ARMC9: variants seen among roughly 807,000 people sequenced by gnomAD.
The protein encoded by ARMC9 is armadillo repeat containing 9.
Under a neutral mutation model 107.0 loss-of-function variants are expected in ARMC9, and 94 were observed. The ratio of observed to expected loss-of-function variants is 0.88; its 90% confidence interval spans 0.74 to 1.04. The LOEUF (loss-of-function observed/expected upper bound fraction) is 1.04. ARMC9 is among the 50% of genes least tolerant of loss of function. The probability of loss-of-function intolerance (pLI) is 0.00; values close to 1 mark genes in which losing one functional copy is unlikely to be tolerated. For missense variants in ARMC9, 942 were observed against 1,030.1 expected (o/e 0.91, Z 1.17); for synonymous variants, 380 against 396.9 (o/e 0.96, Z 0.51).
rs1278319759 is a variant in ARMC9, at chr2:231,353,269, G to C, written c.1995-2529G>C. On this transcript the variant is annotated intron_variant, in intron 21 of 24. Transcript: ENST00000611582. ...GTGGCACGATCTCGGCTCACTGCAA[G>C]CTCCATCTCCCAGTTCACGCCATTC... is the stretch of plus-strand genomic sequence containing the variant. 3.1e-5 allele frequency among the ~76,000 whole-genome samples: 4 copies of C among 127,584 alleles called. 1 individual carries two copies. The highest frequency in any genetic ancestry group is 1.0e-4 in the African/African-American group (2 of 20,000). The allele number at this position is 127,584 out of a possible 152,430, so 83.7% of individuals were successfully genotyped here.
chr2:231,256,705 G>C, intron 10 of ARMC9, 85 bp downstream of exon 10: 6 of 1,444,042 alleles, frequency 4.2e-6, no homozygotes, highest in Non-Finnish European at 5.8e-6. Context: ...TAAACACTTA[G>C]CAGCCTAGGT....
intron 14 of ARMC9, among the ~76,000 whole-genome samples, chr2:231,273,390 G>A (rs570479755): frequency 6.6e-6 from 1 of 152,294 alleles, no homozygotes; most frequent in South Asian, 2.1e-4. Flanking sequence ...AGACCTGATA[G>A]AGCCTCAGCC....
rs367920146 is a variant in ARMC9 at position 231,349,609 on chromosome 2, CT to C, written c.1994+4520del. Among the ~76,000 whole-genome samples, 861 of 152,210 alleles carry C rather than the reference CT, an allele frequency of 5.7e-3. 7 individuals are homozygous for C. Among genetic ancestry groups the C allele is most frequent in the African/African-American group, 0.017 (704 of 41,512 alleles). ...CCAACCTGGCCAACGTGGTAAAACC[CT>C]GTCTCTACTAAAAATACAAAAATTA... On this transcript the variant is annotated intron_variant, in intron 21 of 24. Transcript: ENST00000611582.
chr2:231,243,867 T>G (rs1056219572), intron 9 of ARMC9, among the ~76,000 whole-genome samples: 1 of 152,226 alleles, frequency 6.6e-6, no homozygotes, highest in African/African-American at 2.4e-5. Flanking sequence ...TTAGATGCAA[T>G]GTCCAGTGAC....
At position 231,362,199 on chromosome 2, in the gene ARMC9, A is replaced by G. The variant is rs2045616486; in HGVS notation, c.2261+1316A>G. On this transcript the variant is annotated intron_variant, in intron 23 of 24. Transcript: ENST00000611582. The surrounding 1 kb of genome is among the most constrained non-coding windows in gnomAD (Gnocchi z 4.7). ...TCCTCCCCTCTTTCTGTGGCTGAAGAGGAGCTTGTCAGCTAGACCAGGGGT... is the reference window on the plus strand; with the variant it reads ...TCCTCCCCTCTTTCTGTGGCTGAAGGGGAGCTTGTCAGCTAGACCAGGGGT... Among the ~76,000 whole-genome samples the G allele has an allele frequency of 6.6e-6, 1 of 152,124 alleles. No homozygotes were observed. Among genetic ancestry groups the G allele is most frequent in the Non-Finnish European group, 1.5e-5 (1 of 68,008 alleles).
At chr2:231,337,385 C>T (rs1449248373) in intron 20 of ARMC9, among the ~76,000 whole-genome samples, 7 of 147,210 alleles carry the variant, frequency 4.8e-5, no homozygotes, top group African/African-American at 1.2e-4. Context: ...GCAGCCTCCG[C>T]CTCCCAGGTT....
At chr2:231,318,563 C>G (rs887826556) in intron 19 of ARMC9, among the ~76,000 whole-genome samples, 1 of 152,152 alleles carries the variant, frequency 6.6e-6, no homozygotes, top group African/African-American at 2.4e-5. Flanking sequence ...GCCACTTGCC[C>G]TCTACCACGT....
chr2:231,331,348 T>A (rs2043720007), intron 19 of ARMC9, among the ~76,000 whole-genome samples: 2 of 152,218 alleles, frequency 1.3e-5, no homozygotes, highest in African/African-American at 4.8e-5. Flanking sequence ...GGTGCTGCCC[T>A]TTTTGCTGAG....
chr2:231,225,735 G>A (rs1017204020), intron 6 of ARMC9, among the ~76,000 whole-genome samples: 1 of 152,198 alleles, frequency 6.6e-6, no homozygotes, highest in Non-Finnish European at 1.5e-5. Context: ...GAAAATGGGA[G>A]TAACTGCCAG....
rs191107657 is a variant in ARMC9, at chr2:231,220,107, T to A, written c.505-2621T>A. On this transcript the variant is annotated intron_variant, in intron 5 of 24. Coordinates refer to ENST00000611582, the MANE Select transcript of ARMC9 (RefSeq NM_001352754.2). ...TTAATCTCTCTGGCTGTATTCTGGG[T>A]GATCTCTTCACATCTGCCTTCCAGT... 1.1e-3 allele frequency among the ~76,000 whole-genome samples: 166 copies of A among 152,352 alleles called. 1 individual carries two copies. Among genetic ancestry groups the A allele is most frequent in the African/African-American group, 3.6e-3 (151 of 41,586 alleles).
At position 231,345,022 on chromosome 2, in the gene ARMC9, G is replaced by T. The variant is rs758991931; in HGVS notation, c.1926G>T (p.Val642=). 8.7e-6 allele frequency: 14 copies of T among 1,614,030 alleles called. No homozygotes were observed. In the East Asian group the frequency reaches 3.1e-4, roughly 36 times the overall value. Residue 642 remains valine, a synonymous_variant, in exon 21 of 25, where the codon GTG becomes GTT. Coordinates refer to ENST00000611582, the MANE Select transcript of ARMC9 (RefSeq NM_001352754.2). ...CAAGGCGGAAGGGGCTGGCTAATGT[G>T]CAGTGGAGCGGGGATGAGCCCCTGC... ...GKTRRKGLAN[V]QWSGDEPLQR...
intron 12 of ARMC9, 48 bp downstream of exon 12, chr2:231,262,446 G>C (rs762572472): frequency 6.6e-7 from 1 of 1,518,056 alleles, no homozygotes; most frequent in East Asian, 2.3e-5. Flanking sequence ...TCAATTCTAG[G>C]GAATGATCTT....
chr2:231,201,029 C>G (rs913538535), intron 1 of ARMC9, among the ~76,000 whole-genome samples: 7 of 152,090 alleles, frequency 4.6e-5, no homozygotes, highest in African/African-American at 1.7e-4. Context: ...GCCAGGAGTT[C>G]GCTGTTGGCA....
At chr2:231,219,975 G>A (rs186224161) in intron 5 of ARMC9, among the ~76,000 whole-genome samples, 12 of 152,188 alleles carry the variant, frequency 7.9e-5, no homozygotes, top group African/African-American at 2.9e-4. Context: ...GACTATAGGC[G>A]TGCGCCACCA....
chr2:231,367,913 G>A (rs993449126), intron 23 of ARMC9, among the ~76,000 whole-genome samples: 5 of 151,196 alleles, frequency 3.3e-5, no homozygotes, highest in Admixed American at 6.6e-5. Context: ...CCAGGAGGCA[G>A]AGGTTGCAAT....
chr2:231,323,133 G>A (rs1210006880), intron 19 of ARMC9, among the ~76,000 whole-genome samples: 3 of 152,022 alleles, frequency 2.0e-5, no homozygotes, highest in Admixed American at 6.5e-5. Flanking sequence ...AGGCTATAGT[G>A]AGCTGTGATC....
At chr2:231,364,313 T>G (rs1026955248) in intron 23 of ARMC9, among the ~76,000 whole-genome samples, 1 of 152,238 alleles carries the variant, frequency 6.6e-6, no homozygotes, top group Non-Finnish European at 1.5e-5. Flanking sequence ...GAGGAGCTCC[T>G]CGCACTCAGG....
At chr2:231,211,357 C>G (rs2032834879) in intron 3 of ARMC9, among the ~76,000 whole-genome samples, 2 of 144,028 alleles carry the variant, frequency 1.4e-5, no homozygotes, top group Non-Finnish European at 3.0e-5. Context: ...CCCGCCTCTA[C>G]TAAAAAAAAA....
At chr2:231,326,468 G>C (rs2043324708) in intron 19 of ARMC9, among the ~76,000 whole-genome samples, 1 of 152,212 alleles carries the variant, frequency 6.6e-6, no homozygotes, top group South Asian at 2.1e-4. Flanking sequence ...AAAAGGCTCT[G>C]GATTGATCTG....
Sources: allele counts gnomAD v4.1 joint callset (sites outside exome capture counted in the v4.1 genomes callset), GRCh38; gene constraint gnomAD v4.1.1; non-coding constraint Gnocchi (gnomAD v3.1); transcripts MANE v1.5; gene names NCBI Gene and HGNC (gene_info 2026-07-23, HGNC 2026-07-21).